Variants in ZNF618 observed in about 807,000 individuals in gnomAD.
The protein encoded by ZNF618 is zinc finger protein 618.
Under a neutral mutation model 103.0 loss-of-function variants are expected in ZNF618, and 34 were observed. The ratio of observed to expected loss-of-function variants is 0.33; its 90% confidence interval spans 0.25 to 0.44. The LOEUF (loss-of-function observed/expected upper bound fraction) is 0.44. ZNF618 is among the 20% of genes least tolerant of loss of function. ZNF618 has a pLI of 1.00. For synonymous variants in ZNF618, 551 were observed against 542.2 expected (o/e 1.02, Z -0.23); for missense variants, 1,059 against 1,295.4 (o/e 0.82, Z 2.80).
chr9:114,030,251 G>A (rs1843889032), intron 11 of ZNF618, among the ~76,000 whole-genome samples: 1 of 152,202 alleles, frequency 6.6e-6, no homozygotes, highest in South Asian at 2.1e-4. Context: ...AGAGTAGTCA[G>A]TCAGCCTTGA....
chr9:113,928,038 G>T (rs1431292501), intron 1 of ZNF618, among the ~76,000 whole-genome samples: 1 of 152,192 alleles, frequency 6.6e-6, no homozygotes, highest in Non-Finnish European at 1.5e-5. Context: ...TTGTTACGAG[G>T]CATGGAGTGA....
chr9:113,948,423 G>A (rs1265351354), intron 1 of ZNF618, among the ~76,000 whole-genome samples: 1 of 152,210 alleles, frequency 6.6e-6, no homozygotes, highest in Non-Finnish European at 1.5e-5. Context: ...CTTTTCTGTG[G>A]AATATATCAG....
At chr9:113,902,302 T>C (rs879690671) in intron 1 of ZNF618, among the ~76,000 whole-genome samples, 12 of 152,242 alleles carry the variant, frequency 7.9e-5, no homozygotes, top group Non-Finnish European at 1.2e-4. Context: ...TTAATACATG[T>C]AAACACTCAG....
At chr9:113,990,790 G>C (rs1052755687) in intron 3 of ZNF618, among the ~76,000 whole-genome samples, 5 of 152,184 alleles carry the variant, frequency 3.3e-5, no homozygotes, top group Non-Finnish European at 5.9e-5. Context: ...ACAGAATAGG[G>C]GTGAACCAGG....
At chr9:113,955,779 A>G (rs1836224255) in intron 1 of ZNF618, among the ~76,000 whole-genome samples, 1 of 151,730 alleles carries the variant, frequency 6.6e-6, no homozygotes, top group South Asian at 2.1e-4. Flanking sequence ...TTTTCTATGT[A>G]TATTTCTTCT....
intron 1 of ZNF618, among the ~76,000 whole-genome samples, chr9:113,901,284 G>C (rs1045591598): frequency 1.3e-5 from 2 of 152,190 alleles, no homozygotes; most frequent in Non-Finnish European, 2.9e-5. Flanking sequence ...CTGCGTCGTT[G>C]GGCCTCAGCG....
chr9:113,944,343 T>C (rs1455382273), intron 1 of ZNF618, among the ~76,000 whole-genome samples: 1 of 152,204 alleles, frequency 6.6e-6, no homozygotes, highest in Non-Finnish European at 1.5e-5. Flanking sequence ...AGTGGCATGG[T>C]CTTGGCTCAC....
chr9:113,886,971 CTTTTTTTTTTTTTTTTT>C (rs57000343), intron 1 of ZNF618, among the ~76,000 whole-genome samples: 4 of 109,518 alleles, frequency 3.7e-5, no homozygotes, highest in South Asian at 3.0e-4. Flanking sequence ...TTACTTTCTA[CTTTTTTTTTTTTTTTTT>C]TTTTTTTTTT....
At chr9:114,022,070 G>A (rs1843120353) in intron 10 of ZNF618, among the ~76,000 whole-genome samples, 1 of 152,062 alleles carries the variant, frequency 6.6e-6, no homozygotes, top group African/African-American at 2.4e-5. Context: ...TTGTGTACAA[G>A]CCTTTGTAAG....
At chr9:113,959,514 G>A (rs1288854100) in intron 1 of ZNF618, among the ~76,000 whole-genome samples, 1 of 152,236 alleles carries the variant, frequency 6.6e-6, no homozygotes, top group African/African-American at 2.4e-5. Context: ...GGATGGAAAC[G>A]AAACTGTGCC....
intron 1 of ZNF618, among the ~76,000 whole-genome samples, chr9:113,900,604 C>T (rs1830435790): frequency 6.7e-6 from 1 of 148,338 alleles, no homozygotes; most frequent in Non-Finnish European, 1.5e-5. Context: ...CCCGCGAACC[C>T]GAGCTCCCGT....
In ZNF618 at chr9:113,970,532, G is replaced by A. The variant is rs1187571986; in HGVS notation, c.77+1372G>A. 2.6e-5 allele frequency among the ~76,000 whole-genome samples: 4 copies of A among 152,074 alleles called. No individual in the cohort carries two copies. The East Asian group carries it at 7.7e-4, about 29-fold the overall frequency. ...CCAGTATAATGCTGAAGTAGCCATG[G>A]TGATACCTAAATTTGCCCATAAATG... On this transcript the variant is annotated intron_variant, in intron 2 of 14. Transcript: ENST00000374126.
intron 3 of ZNF618, among the ~76,000 whole-genome samples, chr9:113,992,237 C>A (rs1244773039): frequency 6.6e-6 from 1 of 152,102 alleles, no homozygotes; most frequent in African/African-American, 2.4e-5. Context: ...TGGAGCTATG[C>A]ATGCTGTCAA....
At chr9:113,913,089 G>A (rs1831708600) in intron 1 of ZNF618, among the ~76,000 whole-genome samples, 1 of 152,066 alleles carries the variant, frequency 6.6e-6, no homozygotes, top group African/African-American at 2.4e-5. Flanking sequence ...GGAAACGGGA[G>A]AGTGAGCAGA....
intron 10 of ZNF618, among the ~76,000 whole-genome samples, chr9:114,018,500 C>T (rs1842820185): frequency 6.6e-6 from 1 of 152,256 alleles, no homozygotes; most frequent in South Asian, 2.1e-4. Context: ...TGGAGACTAT[C>T]TTCAGTGCTT....
chr9:113,998,356 T>A lies in ZNF618; in HGVS notation c.433+2T>A. The A allele has an allele frequency of 1.3e-6, 2 of 1,550,234 alleles. No homozygotes were observed. Among genetic ancestry groups the A allele is most frequent in the Non-Finnish European group, 8.7e-7 (1 of 1,146,876 alleles). Reference sequence around the variant, plus strand: ...ACCAAGCATTGAGATATGCATCTGGTACGTGATGGCCAAGGGGTAGTGCCT... The same window carrying A: ...ACCAAGCATTGAGATATGCATCTGGAACGTGATGGCCAAGGGGTAGTGCCT... On this transcript the variant is annotated splice_donor_variant, in intron 4 of 14. Coordinates refer to ENST00000374126, the MANE Select transcript of ZNF618 (RefSeq NM_001318042.2). LOFTEE classifies it high-confidence loss of function.
At chr9:114,040,984 C>T (rs1363083098) in intron 13 of ZNF618, among the ~76,000 whole-genome samples, 2 of 152,178 alleles carry the variant, frequency 1.3e-5, no homozygotes, top group African/African-American at 4.8e-5. Flanking sequence ...ACATCCTCTC[C>T]AGCACCTGTT....
At chr9:113,926,630 T>C (rs1447915896) in intron 1 of ZNF618, among the ~76,000 whole-genome samples, 1 of 152,256 alleles carries the variant, frequency 6.6e-6, no homozygotes, top group East Asian at 1.9e-4. Context: ...GATTCTCTCT[T>C]AGTTTCCATC....
At chr9:113,931,960 T>C (rs1386888113) in intron 1 of ZNF618, among the ~76,000 whole-genome samples, 2 of 152,186 alleles carry the variant, frequency 1.3e-5, no homozygotes, top group African/African-American at 4.8e-5. Context: ...GATTCATTCA[T>C]TTGTGAATTC....
Sources: allele counts gnomAD v4.1 joint callset (sites outside exome capture counted in the v4.1 genomes callset), GRCh38; gene constraint gnomAD v4.1.1; transcripts MANE v1.5; gene names NCBI Gene and HGNC (gene_info 2026-07-23, HGNC 2026-07-21).